Variants in RIPOR2 observed in about 807,000 individuals in gnomAD.
The protein encoded by RIPOR2 is RHO family interacting cell polarization regulator 2.
In RIPOR2, 39 loss-of-function variants were observed where a neutral mutation model predicts 114.5. The ratio of observed to expected loss-of-function variants is 0.34; its 90% CI spans 0.26 to 0.44. RIPOR2 has a LOEUF of 0.44. RIPOR2 is among the 20% of genes least tolerant of loss of function. The probability of loss-of-function intolerance (pLI) is 1.00; values close to 1 mark genes in which losing one functional copy is unlikely to be tolerated. For synonymous variants in RIPOR2, 445 were observed against 484.4 expected (o/e 0.92, Z 1.07); for missense variants, 1,007 against 1,255.1 (o/e 0.80, Z 2.99).
intron 12 of RIPOR2, among the ~76,000 whole-genome samples, chr6:24,846,179 G>A (rs1438623651): frequency 6.6e-6 from 1 of 152,006 alleles, no homozygotes; most frequent in Non-Finnish European, 1.5e-5. Context: ...GTTAACGGTT[G>A]CGTGTATAGC....
intron 13 of RIPOR2, among the ~76,000 whole-genome samples, chr6:24,841,201 C>T (rs1027716032): frequency 8.5e-5 from 13 of 152,180 alleles, no homozygotes; most frequent in African/African-American, 3.1e-4. Context: ...TACTGGATTT[C>T]TCTAAGGAAT....
At chr6:24,876,710 G>A (rs1765797824) in intron 1 of RIPOR2, among the ~76,000 whole-genome samples, 2 of 152,168 alleles carry the variant, frequency 1.3e-5, no homozygotes, top group South Asian at 4.1e-4. Context: ...GATAATCTAG[G>A]TTAGATAAGA....
chr6:24,960,278 G>A lies in RIPOR2; in HGVS notation c.76+81573C>T, dbSNP rs80312523. On this transcript the variant is annotated intron_variant, in intron 1 of 13. Transcript: ENST00000510784. ...GGAGGCTGGGAAGTCCAAGGTCAAGGCACCAGCAGTTTAGGTGTCTGCTGA... is the reference window on the plus strand; with the variant it reads ...GGAGGCTGGGAAGTCCAAGGTCAAGACACCAGCAGTTTAGGTGTCTGCTGA... 5.1e-4 allele frequency among the ~76,000 whole-genome samples: 77 copies of A among 152,272 alleles called. 1 individual carries two copies. In the East Asian group the frequency reaches 0.012, roughly 24 times the overall value.
chr6:25,021,203 G>T (rs900928440), intron 1 of RIPOR2, among the ~76,000 whole-genome samples: 1 of 152,088 alleles, frequency 6.6e-6, no homozygotes, highest in African/African-American at 2.4e-5. Context: ...TGCTCATTTC[G>T]TGAGTATTTA....
At chr6:24,854,372 C>T (rs893631381) in intron 8 of RIPOR2, among the ~76,000 whole-genome samples, 1 of 152,098 alleles carries the variant, frequency 6.6e-6, no homozygotes, top group African/African-American at 2.4e-5. Context: ...CAGATACTTC[C>T]AGGCTGAGTG....
intron 1 of RIPOR2, among the ~76,000 whole-genome samples, chr6:24,894,469 T>C (rs181170871): frequency 6.6e-6 from 1 of 152,338 alleles, no homozygotes. Context: ...CATTCTCCTT[T>C]AGCTAAGAGT....
intron 10 of RIPOR2, 55 bp downstream of exon 10, chr6:24,850,542 A>G (rs1025474215): frequency 1.1e-5 from 17 of 1,607,496 alleles, no homozygotes; most frequent in Non-Finnish European, 1.4e-5. Flanking sequence ...GGCCCCACCA[A>G]TGGATCATCC....
At chr6:24,971,382 A>G (rs1050612396) in intron 1 of RIPOR2, among the ~76,000 whole-genome samples, 1 of 152,234 alleles carries the variant, frequency 6.6e-6, no homozygotes, top group Non-Finnish European at 1.5e-5. Context: ...TGTGCTGGAT[A>G]TAGGGATACA....
At chr6:25,005,740 T>TATATACAC (rs1491374316) in intron 1 of RIPOR2, among the ~76,000 whole-genome samples, 1 of 104,510 alleles carries the variant, frequency 9.6e-6, no homozygotes, top group Non-Finnish European at 2.0e-5. Context: ...TATATATATA[T>TATATACAC]ACATTTACCG....
intron 7 of RIPOR2, among the ~76,000 whole-genome samples, chr6:24,864,460 T>A (rs1764385366): frequency 6.6e-6 from 1 of 152,218 alleles, no homozygotes; most frequent in Non-Finnish European, 1.5e-5. Context: ...GGGATCCTAC[T>A]GACAGTCATC....
chr6:24,910,328 G>A (rs1769425227), intron 1 of RIPOR2, among the ~76,000 whole-genome samples: 1 of 152,262 alleles, frequency 6.6e-6, no homozygotes, highest in African/African-American at 2.4e-5. Flanking sequence ...GCTCAAACGG[G>A]CAGCCCGGGG....
chr6:24,842,400 A>G (rs1761806305), intron 13 of RIPOR2, among the ~76,000 whole-genome samples: 1 of 152,102 alleles, frequency 6.6e-6, no homozygotes, highest in African/African-American at 2.4e-5. Context: ...TGACTTGGTT[A>G]TTTGGACCAA....
At chr6:25,005,793 T>G (rs1361412593) in intron 1 of RIPOR2, among the ~76,000 whole-genome samples, 2 of 144,350 alleles carry the variant, frequency 1.4e-5, no homozygotes, top group African/African-American at 2.5e-5. Flanking sequence ...CTTCTCCTGT[T>G]TAACTTGACA....
chr6:24,879,644 A>G (rs910985956), intron 1 of RIPOR2, among the ~76,000 whole-genome samples: 1 of 152,166 alleles, frequency 6.6e-6, no homozygotes, highest in Non-Finnish European at 1.5e-5. Flanking sequence ...GTGTAGAGGT[A>G]TTAGGGACAA....
At chr6:24,927,022 C>CAACTA (rs1373615758) in intron 1 of RIPOR2, among the ~76,000 whole-genome samples, 34 of 1,490 alleles carry the variant, frequency 0.023, no homozygotes, top group East Asian at 0.25. Context: ...ACCACCACCA[C>CAACTA]CATGATTATT....
chr6:25,030,152 TAAA>T (rs1323764329), intron 1 of RIPOR2, among the ~76,000 whole-genome samples: 3 of 152,004 alleles, frequency 2.0e-5, no homozygotes, highest in Non-Finnish European at 4.4e-5. Context: ...CTGCAGGTCT[TAAA>T]TGGGGGGAAA....
chr6:25,018,003 G>A (rs1162839968), intron 1 of RIPOR2, among the ~76,000 whole-genome samples: 1 of 152,232 alleles, frequency 6.6e-6, no homozygotes, highest in Non-Finnish European at 1.5e-5. Context: ...CAGGTAGGAT[G>A]AACATAGAAA....
At chr6:24,822,174 T>G (rs1759761675) in intron 19 of RIPOR2, among the ~76,000 whole-genome samples, 1 of 152,180 alleles carries the variant, frequency 6.6e-6, no homozygotes, top group African/African-American at 2.4e-5. Flanking sequence ...CTGAAGTTCA[T>G]CTACTTTATA....
chr6:24,937,140 T>G (rs1771855423), upstream of RIPOR2, among the ~76,000 whole-genome samples: 1 of 152,188 alleles, frequency 6.6e-6, no homozygotes. Flanking sequence ...AGTTCATCCC[T>G]GCATTGGTGG....
Sources: allele counts gnomAD v4.1 joint callset (sites outside exome capture counted in the v4.1 genomes callset), GRCh38; gene constraint gnomAD v4.1.1; transcripts MANE v1.5; gene names NCBI Gene and HGNC (gene_info 2026-07-23, HGNC 2026-07-21).